Variants in NUFIP2 observed in about 807,000 individuals in gnomAD.
NUFIP2 encodes the protein FMR1-interacting protein NUFIP2.
A neutral mutation model predicts 56.9 loss-of-function variants in NUFIP2; 6 were observed. The ratio of observed to expected loss-of-function variants is 0.11; its 90% CI spans 0.06 to 0.21. NUFIP2 has a LOEUF of 0.21. Among genes scored for constraint, NUFIP2 ranks in the 10% least tolerant of loss-of-function variants. The pLI is 1.00. For synonymous variants in NUFIP2, 321 were observed against 298.2 expected, an observed-to-expected ratio of 1.08 and a Z score of -0.79; for missense variants, 828 against 826.8, an observed-to-expected ratio of 1.00 and a Z score of -0.02.
chr17:29,272,571 C>T (rs953174278), intron 2 of NUFIP2, among the ~76,000 whole-genome samples: 3 of 152,054 alleles, frequency 2.0e-5, no homozygotes, highest in Admixed American at 6.6e-5. Context: ...TTTTGACTAT[C>T]CCTGAGAAGC....
chr17:29,270,384 C>G (rs2069064762), intron 2 of NUFIP2, among the ~76,000 whole-genome samples: 1 of 150,344 alleles, frequency 6.7e-6, no homozygotes, highest in Non-Finnish European at 1.5e-5. Context: ...ACACTTATCA[C>G]TCCAATATAA....
At chr17:29,272,571 C>G (rs953174278) in intron 2 of NUFIP2, among the ~76,000 whole-genome samples, 1 of 152,054 alleles carries the variant, frequency 6.6e-6, no homozygotes, top group Non-Finnish European at 1.5e-5. Flanking sequence ...TTTTGACTAT[C>G]CCTGAGAAGC....
intron 1 of NUFIP2, among the ~76,000 whole-genome samples, chr17:29,292,780 G>T: frequency 6.7e-6 from 1 of 148,542 alleles, no homozygotes; most frequent in Non-Finnish European, 1.5e-5. Flanking sequence ...CGCTCCCCTC[G>T]TGGCCGCTTC....
At chr17:29,278,153 A>G (rs572715083) in intron 2 of NUFIP2, among the ~76,000 whole-genome samples, 1 of 152,150 alleles carries the variant, frequency 6.6e-6, no homozygotes, top group East Asian at 1.9e-4. Flanking sequence ...GGATAAGAAG[A>G]ATTATCCAGA....
At chr17:29,291,355 T>C (rs953110046) in intron 1 of NUFIP2, among the ~76,000 whole-genome samples, 15 of 152,194 alleles carry the variant, frequency 9.9e-5, no homozygotes, top group African/African-American at 3.6e-4. Context: ...TAAAAAAAAC[T>C]GTTCCTCTTT....
Position 29,261,351 on chromosome 17 carries a change from C to T in NUFIP2, c.*3188G>A, listed in dbSNP as rs1326391772. 6.6e-6 allele frequency: 1 copy of T among 151,960 alleles called. No individual in the cohort carries two copies. Among genetic ancestry groups the T allele is most frequent in the Non-Finnish European group, 1.5e-5 (1 of 67,944 alleles). The allele number at this position is 151,960 out of a possible 1,614,324, so 9.4% of individuals were successfully genotyped here. ...TCTCTGAATACTAATGTCTTATACA[C>T]ATTCATTTACTAATTTTTAATATCT... On this transcript the variant is annotated 3_prime_UTR_variant, in exon 4 of 4. Transcript: ENST00000225388.
chr17:29,276,643 T>C (rs552034378), intron 2 of NUFIP2, among the ~76,000 whole-genome samples: 29 of 152,272 alleles, frequency 1.9e-4, no homozygotes, highest in East Asian at 1.5e-3. Context: ...CAGCCAACAA[T>C]AGTAATACAT....
At chr17:29,272,678 T>C (rs1198223768) in intron 2 of NUFIP2, among the ~76,000 whole-genome samples, 1 of 152,144 alleles carries the variant, frequency 6.6e-6, no homozygotes, top group African/African-American at 2.4e-5. Context: ...TCTGAAATGT[T>C]TGGGACCAGA....
rs2068995303 is a variant in NUFIP2 at position 29,260,336 on chromosome 17, C to T, written c.*4203G>A. 6.6e-6 allele frequency: 1 copy of T among 152,172 alleles called. No individual in the cohort carries two copies. The highest frequency in any genetic ancestry group is 1.5e-5 in the Non-Finnish European group (1 of 68,032). 9.4% of individuals were successfully genotyped at this position (152,172 alleles called of 1,614,324 possible). On this transcript the variant is annotated 3_prime_UTR_variant, in exon 4 of 4. Transcript: ENST00000225388. ...TGACCATAATGACCATTATATTTGT[C>T]CCATAACATAACTGTTCTGCACAGT...
At chr17:29,285,881 T>C in intron 2 of NUFIP2, 111 bp downstream of exon 2, 1 of 817,506 alleles carries the variant, frequency 1.2e-6, no homozygotes, top group Non-Finnish European at 1.9e-6. Context: ...ACATTGTCAT[T>C]CTCTTAAAAT....
chr17:29,276,652 A>G (rs1042852389), intron 2 of NUFIP2, among the ~76,000 whole-genome samples: 23 of 152,084 alleles, frequency 1.5e-4, no homozygotes, highest in Admixed American at 1.5e-3. Context: ...ATAGTAATAC[A>G]TTTCTTTCCA....
At chr17:29,282,085 T>C (rs1391356609) in intron 2 of NUFIP2, among the ~76,000 whole-genome samples, 3 of 151,950 alleles carry the variant, frequency 2.0e-5, no homozygotes, top group Non-Finnish European at 4.4e-5. Flanking sequence ...TATGCTCTAT[T>C]GTATCTTTAC....
intron 2 of NUFIP2, among the ~76,000 whole-genome samples, chr17:29,285,132 T>C (rs1325739525): frequency 6.6e-6 from 1 of 151,864 alleles, no homozygotes; most frequent in Non-Finnish European, 1.5e-5. Flanking sequence ...GAAACCCGTG[T>C]CTACTGAAAA....
At chr17:29,283,009 G>A (rs1168374248) in intron 2 of NUFIP2, among the ~76,000 whole-genome samples, 1 of 152,148 alleles carries the variant, frequency 6.6e-6, no homozygotes, top group Non-Finnish European at 1.5e-5. Flanking sequence ...ATTGAACTGA[G>A]TATTATTTAT....
At chr17:29,279,450 C>A (rs555947874) in intron 2 of NUFIP2, among the ~76,000 whole-genome samples, 2 of 152,282 alleles carry the variant, frequency 1.3e-5, no homozygotes, top group Admixed American at 6.5e-5. Context: ...ATCTTCTAGT[C>A]AACAGAAAAA....
In NUFIP2 at chr17:29,255,979, C is replaced by T. The variant is rs1207692387; in HGVS notation, c.*8560G>A. 6.6e-6 allele frequency: 1 copy of T among 152,056 alleles called. No individual in the cohort carries two copies. Among genetic ancestry groups the T allele is most frequent in the African/African-American group, 2.4e-5 (1 of 41,378 alleles). 9.4% of individuals were successfully genotyped at this position (152,056 alleles called of 1,614,324 possible). On this transcript the variant is annotated 3_prime_UTR_variant, in exon 4 of 4. Transcript: ENST00000225388. ...GTTTGTAATTTATATTTTTAAAACACTGAACATGATGAAGACATCAATAAA... is the reference window on the plus strand; with the variant it reads ...GTTTGTAATTTATATTTTTAAAACATTGAACATGATGAAGACATCAATAAA...
intron 2 of NUFIP2, among the ~76,000 whole-genome samples, chr17:29,281,628 G>GC (rs1007943117): frequency 6.6e-6 from 1 of 150,418 alleles, no homozygotes; most frequent in African/African-American, 2.5e-5. Flanking sequence ...GTTCCAGGCT[G>GC]CAATGAGCTA....
chr17:29,294,083 C>A lies in NUFIP2; in HGVS notation c.-24G>T. On this transcript the variant is annotated 5_prime_UTR_variant, in exon 1 of 4. Coordinates refer to ENST00000225388, the MANE Select transcript of NUFIP2 (RefSeq NM_020772.3). ...ATTGAAAGCGGCTGGGACTCCCTGG[C>A]TGAGGCTGCGGGCTGCTGCACCGTC... 6.3e-7 allele frequency: 1 copy of A among 1,575,362 alleles called. No individual in the cohort carries two copies. Among genetic ancestry groups the A allele is most frequent in the South Asian group, 1.2e-5 (1 of 85,050 alleles).
chr17:29,275,682 G>C (rs1026021923), intron 2 of NUFIP2, among the ~76,000 whole-genome samples: 1 of 151,948 alleles, frequency 6.6e-6, no homozygotes, highest in African/African-American at 2.4e-5. Context: ...CATTACTCAG[G>C]CCTCATTTTC....
Sources: gnomAD v4.1 joint callset for allele counts (sites outside exome capture counted in the v4.1 genomes callset) on GRCh38, gnomAD v4.1.1 for gene constraint, MANE v1.5 for transcripts, NCBI Gene and HGNC (gene_info 2026-07-23, HGNC 2026-07-21) for gene names.